The following CAAP1 variants were observed in gnomAD, a reference collection of about 807,000 sequenced individuals.
CAAP1 encodes the protein conserved anti-apoptotic protein.
CAAP1 carries 20 observed loss-of-function variants against 34.0 expected under a neutral mutation model. The ratio of observed to expected loss-of-function variants is 0.59; its 90% CI spans 0.41 to 0.86. The LOEUF is 0.86. Ranked by LOEUF, CAAP1 falls within the 40% of genes least tolerant of loss-of-function variation. The pLI is 0.00. For missense variants in CAAP1, 538 were observed against 450.5 expected (o/e 1.19, Z -1.76); for synonymous variants, 213 against 166.7 (o/e 1.28, Z -2.14).
chr9:26,884,981 GA>G, intron 3 of CAAP1, 96 bp from the exon 4 acceptor site: 1 of 869,888 alleles, frequency 1.1e-6, no homozygotes, highest in South Asian at 1.6e-5. Flanking sequence ...AAGTGATGCA[GA>G]TTAAAGAACT....
chr9:26,881,988 A>C (rs2131336307), intron 4 of CAAP1, among the ~76,000 whole-genome samples: 1 of 152,282 alleles, frequency 6.6e-6, no homozygotes, highest in African/African-American at 2.4e-5. Flanking sequence ...TTTGCCCTTG[A>C]GCTAGAGATT....
At chr9:26,871,845 C>T (rs1251696035) in intron 4 of CAAP1, among the ~76,000 whole-genome samples, 8 of 151,650 alleles carry the variant, frequency 5.3e-5, no homozygotes, top group Admixed American at 1.3e-4. Context: ...ACTTGGGAGG[C>T]GGAGGTTGCA....
intron 4 of CAAP1, chr9:26,880,264 C>T (rs752050610): frequency 3.4e-4 from 139 of 408,628 alleles, no homozygotes; most frequent in Non-Finnish European, 6.4e-4. Context: ...GCCTCACTTG[C>T]CTCCCGCAAA....
intron 5 of CAAP1, among the ~76,000 whole-genome samples, chr9:26,851,814 A>G (rs1822759193): frequency 6.6e-6 from 1 of 152,050 alleles, no homozygotes; most frequent in African/African-American, 2.4e-5. Context: ...CCCCCTCAAG[A>G]TTTCTTGGAA....
At chr9:26,885,463 C>G (rs1260219291) in intron 3 of CAAP1, among the ~76,000 whole-genome samples, 1 of 152,106 alleles carries the variant, frequency 6.6e-6, no homozygotes, top group African/African-American at 2.4e-5. Flanking sequence ...ATGTATATAT[C>G]TATTTCCAGA....
rs774333931 is a variant in CAAP1 at position 26,840,906 on chromosome 9, A to C, written c.*1395T>G. ...AGCAATAACAATGAACTCATAACTC[A>C]AATCTGTTTACCAGCTTAAGAGAAG... On this transcript the variant is annotated 3_prime_UTR_variant, in exon 6 of 6. Transcript: ENST00000333916. 2.6e-5 allele frequency: 4 copies of C among 152,204 alleles called. No individual in the cohort carries two copies. The highest frequency in any genetic ancestry group is 7.2e-5 in the African/African-American group (3 of 41,462). 9.4% of individuals were successfully genotyped at this position (152,204 alleles called of 1,614,324 possible). A position where few individuals can be genotyped will look rare whatever the true frequency, so the allele number is the denominator to read the frequency against.
intron 5 of CAAP1, among the ~76,000 whole-genome samples, chr9:26,846,120 A>G (rs891027622): frequency 6.6e-6 from 1 of 152,122 alleles, no homozygotes; most frequent in African/African-American, 2.4e-5. Flanking sequence ...AAGACTCAAG[A>G]AAGAGTTACA....
chr9:26,864,855 G>T (rs2131314821), intron 4 of CAAP1, among the ~76,000 whole-genome samples: 1 of 152,230 alleles, frequency 6.6e-6, no homozygotes, highest in Non-Finnish European at 1.5e-5. Flanking sequence ...TCACAATATT[G>T]CCAGTGATTA....
intron 1 of CAAP1, among the ~76,000 whole-genome samples, chr9:26,889,632 C>CTGAGGGGG (rs1272098257): frequency 6.6e-6 from 1 of 150,622 alleles, no homozygotes; most frequent in Non-Finnish European, 1.5e-5. Context: ...AGGTGGGAGG[C>CTGAGGGGG]TGAGGGGGGC....
intron 4 of CAAP1, among the ~76,000 whole-genome samples, chr9:26,866,871 G>C (rs890165004): frequency 6.6e-6 from 1 of 152,088 alleles, no homozygotes; most frequent in Non-Finnish European, 1.5e-5. Flanking sequence ...ATACTGGCAG[G>C]GCCACAATCC....
intron 4 of CAAP1, among the ~76,000 whole-genome samples, chr9:26,864,767 G>A (rs768755407): frequency 6.6e-5 from 10 of 152,152 alleles, no homozygotes; most frequent in Admixed American, 3.9e-4. Context: ...AAAAATCAGC[G>A]TTAGATCACT....
At chr9:26,843,006 G>C (rs1030002742) in intron 5 of CAAP1, among the ~76,000 whole-genome samples, 8 of 152,018 alleles carry the variant, frequency 5.3e-5, no homozygotes, top group African/African-American at 1.9e-4. Flanking sequence ...AAATCCTCTG[G>C]ATACAGTATG....
At chr9:26,867,238 A>C (rs1823161847) in intron 4 of CAAP1, among the ~76,000 whole-genome samples, 1 of 152,088 alleles carries the variant, frequency 6.6e-6, no homozygotes, top group Non-Finnish European at 1.5e-5. Context: ...TATAGAAGAC[A>C]CTGTTTCACA....
At chr9:26,846,783 G>C (rs1053454929) in intron 5 of CAAP1, among the ~76,000 whole-genome samples, 4 of 152,008 alleles carry the variant, frequency 2.6e-5, no homozygotes, top group Non-Finnish European at 5.9e-5. Flanking sequence ...CACCTCCCAG[G>C]TTCAAGCAAT....
At chr9:26,874,246 A>G (rs1823365797) in intron 4 of CAAP1, among the ~76,000 whole-genome samples, 1 of 150,720 alleles carries the variant, frequency 6.6e-6, no homozygotes, top group East Asian at 1.9e-4. Context: ...TTTTTTACAG[A>G]TACCTACTGG....
chr9:26,867,447 A>G (rs1299058497), intron 4 of CAAP1, among the ~76,000 whole-genome samples: 1 of 152,176 alleles, frequency 6.6e-6, no homozygotes, highest in East Asian at 1.9e-4. Context: ...CCAACTCACC[A>G]TCCCACCTAT....
intron 1 of CAAP1, among the ~76,000 whole-genome samples, chr9:26,891,245 A>C (rs10812488): frequency 1.3e-5 from 2 of 152,046 alleles, no homozygotes; most frequent in African/African-American, 4.8e-5. Flanking sequence ...CAAATGGCAA[A>C]TAAAAATATT....
chr9:26,857,851 C>T (rs1822909441), intron 5 of CAAP1, among the ~76,000 whole-genome samples: 1 of 151,696 alleles, frequency 6.6e-6, no homozygotes, highest in East Asian at 2.0e-4. Flanking sequence ...TTTCTAGCAA[C>T]AAAGATGAAT....
At chr9:26,851,799 CT>C (rs1822758922) in intron 5 of CAAP1, among the ~76,000 whole-genome samples, 1 of 152,154 alleles carries the variant, frequency 6.6e-6, no homozygotes, top group Non-Finnish European at 1.5e-5. Flanking sequence ...AAGCAAGCAA[CT>C]TTTCCCCCTC....
Sources: gnomAD v4.1 joint callset for allele counts (sites outside exome capture counted in the v4.1 genomes callset) on GRCh38, gnomAD v4.1.1 for gene constraint, MANE v1.5 for transcripts, NCBI Gene and HGNC (gene_info 2026-07-23, HGNC 2026-07-21) for gene names.